Variants in DOCK5 observed in about 807,000 individuals in gnomAD.
DOCK5 encodes dedicator of cytokinesis 5, also known as dedicator of cytokinesis protein 5.
Under a neutral mutation model 251.8 loss-of-function variants are expected in DOCK5, and 142 were observed. The ratio of observed to expected loss-of-function variants is 0.56; its 90% CI spans 0.49 to 0.65. DOCK5 has a LOEUF of 0.65. Ranked by LOEUF, DOCK5 falls within the 30% of genes least tolerant of loss-of-function variation. The probability of loss-of-function intolerance (pLI) is 0.00; values close to 1 mark genes in which losing one functional copy is unlikely to be tolerated. For missense variants in DOCK5, 2,111 were observed against 2,312.3 expected (o/e 0.91, Z 1.79); for synonymous variants, 842 against 835.5 (o/e 1.01, Z -0.13).
chr8:25,334,356 C>T (rs1368758426), intron 21 of DOCK5, among the ~76,000 whole-genome samples, 160 bp downstream of exon 21: 1 of 152,182 alleles, frequency 6.6e-6, no homozygotes, highest in Non-Finnish European at 1.5e-5. Context: ...AGGGAACCAT[C>T]TAAGTATTCT....
Position 25,369,570 on chromosome 8 carries a change from G to T in DOCK5, c.3453G>T (p.Leu1151=). The part of the protein sequence containing the change: ...NGNFHMFENE[L]ITKLDQEVEG... ...TCTACTTTCAGTTTGAGAATGAGCT[G>T]ATCACAAAGCTGGACCAGGAGGTAG... The change falls in exon 34 of 52, where the codon CTG becomes CTT. Residue 1151 remains leucine (L), a synonymous_variant. Coordinates refer to ENST00000276440, the MANE Select transcript of DOCK5 (RefSeq NM_024940.8). The T allele has an allele frequency of 6.2e-7, 1 of 1,610,662 alleles. No homozygotes were observed. The highest frequency in any genetic ancestry group is 2.2e-5 in the East Asian group (1 of 44,820).
At chr8:25,291,550 G>A (rs1175796911) in intron 5 of DOCK5, among the ~76,000 whole-genome samples, 2 of 151,882 alleles carry the variant, frequency 1.3e-5, no homozygotes, top group Non-Finnish European at 2.9e-5. Context: ...GGGTGTGGTG[G>A]CATGCTCCTG....
At chr8:25,389,717 A>C (rs527919564) in intron 41 of DOCK5, among the ~76,000 whole-genome samples, 1 of 152,314 alleles carries the variant, frequency 6.6e-6, no homozygotes, top group East Asian at 1.9e-4. Flanking sequence ...CTGTGAAAAG[A>C]GAATAAGAAT....
chr8:25,237,542 A>C (rs7826058), intron 1 of DOCK5, among the ~76,000 whole-genome samples: 8,373 of 152,244 alleles, frequency 0.055, 533 homozygotes, highest in African/African-American at 0.16. Context: ...CTGGTTTAAA[A>C]GAAAGAGCCA....
intron 11 of DOCK5, among the ~76,000 whole-genome samples, chr8:25,306,562 C>T (rs532609530): frequency 2.0e-4 from 30 of 151,600 alleles, no homozygotes; most frequent in South Asian, 6.2e-4. Context: ...GGCACAGTGG[C>T]GGGCGCCTGT....
intron 28 of DOCK5, among the ~76,000 whole-genome samples, chr8:25,360,843 G>A (rs985965170): frequency 5.3e-5 from 8 of 152,072 alleles, no homozygotes; most frequent in Admixed American, 3.3e-4. Context: ...AGGTCAAACC[G>A]TGACAATTTG....
At chr8:25,268,378 G>A (rs1183532979) in intron 2 of DOCK5, among the ~76,000 whole-genome samples, 1 of 151,902 alleles carries the variant, frequency 6.6e-6, no homozygotes, top group African/African-American at 2.4e-5. Flanking sequence ...CAGAATAGTG[G>A]TTCTTAACCT....
chr8:25,245,289 C>T (rs1253455151), intron 2 of DOCK5, among the ~76,000 whole-genome samples: 9 of 152,126 alleles, frequency 5.9e-5, no homozygotes, highest in African/African-American at 2.2e-4. Context: ...ATCTCCTGAC[C>T]TCGTGATCCG....
chr8:25,293,423 A>G (rs561151434), intron 6 of DOCK5, among the ~76,000 whole-genome samples: 3 of 152,352 alleles, frequency 2.0e-5, no homozygotes, highest in South Asian at 4.1e-4. Flanking sequence ...TGTACATTTC[A>G]TATACATTAC....
chr8:25,382,633 A>G (rs763789475), intron 39 of DOCK5, 41 bp from the exon 40 acceptor site: 2 of 1,480,610 alleles, frequency 1.4e-6, no homozygotes. Context: ...CCAACTGTGT[A>G]CTTATAACCT....
intron 46 of DOCK5, among the ~76,000 whole-genome samples, chr8:25,400,650 G>C (rs1801423201): frequency 6.6e-6 from 1 of 151,968 alleles, no homozygotes; most frequent in Non-Finnish European, 1.5e-5. Flanking sequence ...CCTATCAGTT[G>C]CTCATCCACG....
intron 1 of DOCK5, among the ~76,000 whole-genome samples, chr8:25,242,205 A>G (rs965335205): frequency 1.3e-5 from 2 of 152,116 alleles, no homozygotes; most frequent in African/African-American, 4.8e-5. Flanking sequence ...GGTAAGATAC[A>G]CAGGTTCCAG....
At chr8:25,391,811 G>A (rs1801263773) in intron 42 of DOCK5, 85 bp from the exon 43 acceptor site, 1 of 1,197,898 alleles carries the variant, frequency 8.3e-7, no homozygotes, top group South Asian at 1.4e-5. Flanking sequence ...AGACCAGGCA[G>A]ATGTGTTATA....
chr8:25,278,342 G>A (rs187948856), intron 4 of DOCK5, among the ~76,000 whole-genome samples: 5 of 152,288 alleles, frequency 3.3e-5, no homozygotes, highest in African/African-American at 9.6e-5. Flanking sequence ...AGGCTGGGCC[G>A]CAGGCTCATT....
intron 39 of DOCK5, among the ~76,000 whole-genome samples, chr8:25,382,432 A>G (rs573027921): frequency 1.1e-4 from 17 of 152,258 alleles, no homozygotes; most frequent in Admixed American, 8.5e-4. Flanking sequence ...AAGAATTCCA[A>G]CGTGCACACA....
chr8:25,354,448 C>T (rs958411594), intron 27 of DOCK5, among the ~76,000 whole-genome samples: 1 of 152,126 alleles, frequency 6.6e-6, no homozygotes, highest in African/African-American at 2.4e-5. Context: ...TGTTGTCTCC[C>T]TTGTTTAAAC....
At chr8:25,218,401 AC>A (rs1039728002) in intron 1 of DOCK5, among the ~76,000 whole-genome samples, 7 of 152,140 alleles carry the variant, frequency 4.6e-5, no homozygotes, top group African/African-American at 1.4e-4. Context: ...CACACATGCC[AC>A]CATGACCACT....
intron 27 of DOCK5, among the ~76,000 whole-genome samples, chr8:25,356,907 T>TGTATATATA (rs1800583275): frequency 7.6e-6 from 1 of 131,330 alleles, no homozygotes; most frequent in African/African-American, 2.8e-5. Flanking sequence ...TATATGAAGA[T>TGTATATATA]TATATATATA....
intron 5 of DOCK5, among the ~76,000 whole-genome samples, chr8:25,283,858 T>G (rs1289368997): frequency 1.3e-5 from 2 of 152,156 alleles, no homozygotes; most frequent in African/African-American, 4.8e-5. Context: ...TTTCTGATGG[T>G]CTTTCCCTAT....
Sources: allele counts gnomAD v4.1 joint callset (sites outside exome capture counted in the v4.1 genomes callset), GRCh38; gene constraint gnomAD v4.1.1; transcripts MANE v1.5; gene names NCBI Gene and HGNC (gene_info 2026-07-23, HGNC 2026-07-21).